The following CSMD1 variants were observed in gnomAD, a reference collection of about 807,000 sequenced individuals.
The protein encoded by CSMD1 is CUB and sushi domain-containing protein 1.
CSMD1 carries 213 observed loss-of-function variants against 417.5 expected under a neutral mutation model. The ratio of observed to expected loss-of-function variants is 0.51; its 90% CI spans 0.46 to 0.57. The LOEUF (loss-of-function observed/expected upper bound fraction) is 0.57, where lower values mean the gene tolerates loss of function less well. Among genes scored for constraint, CSMD1 ranks in the 20% least tolerant of loss-of-function variants. CSMD1 has a pLI of 0.00. For synonymous variants in CSMD1, 2,862 were observed against 1,736.8 expected (o/e 1.65, Z -16.11); for missense variants, 6,923 against 4,529.7 (o/e 1.53, Z -15.17).
chr8:4,683,362 C>T (rs1353608496), intron 1 of CSMD1, among the ~76,000 whole-genome samples: 4 of 152,190 alleles, frequency 2.6e-5, no homozygotes, highest in Middle Eastern at 3.4e-3. Flanking sequence ...AGTGGTTCTC[C>T]AAGCCGAAAC....
intron 49 of CSMD1, among the ~76,000 whole-genome samples, chr8:3,062,909 C>T (rs148066893): frequency 0.011 from 1,748 of 152,190 alleles, 37 homozygotes; most frequent in African/African-American, 0.04. Flanking sequence ...CAGGTACAAA[C>T]ATTTTTAAAC....
chr8:4,126,455 G>C (rs549094127), intron 3 of CSMD1, among the ~76,000 whole-genome samples: 1 of 152,124 alleles, frequency 6.6e-6, no homozygotes, highest in Non-Finnish European at 1.5e-5. Flanking sequence ...TAGTAACATA[G>C]ATTTCACTTG....
chr8:3,690,530 T>C (rs1800182796), intron 7 of CSMD1, among the ~76,000 whole-genome samples: 1 of 152,196 alleles, frequency 6.6e-6, no homozygotes, highest in Non-Finnish European at 1.5e-5. Flanking sequence ...AATAGACTGT[T>C]AGTCATCATC....
At chr8:4,761,228 G>A (rs1013476555) in intron 1 of CSMD1, among the ~76,000 whole-genome samples, 1 of 152,102 alleles carries the variant, frequency 6.6e-6, no homozygotes, top group Non-Finnish European at 1.5e-5. Flanking sequence ...GAGGTCACAG[G>A]AGACTATGGA....
chr8:3,852,415 C>A (rs952204614), intron 5 of CSMD1, among the ~76,000 whole-genome samples: 1 of 152,114 alleles, frequency 6.6e-6, no homozygotes, highest in East Asian at 1.9e-4. Context: ...AACCACACTC[C>A]CCTGTGCTGC....
chr8:3,157,370 A>C (rs1478434677), intron 39 of CSMD1, among the ~76,000 whole-genome samples: 2 of 152,170 alleles, frequency 1.3e-5, no homozygotes, highest in East Asian at 3.9e-4. Context: ...TCAAGCCATT[A>C]AATACAGCTC....
chr8:3,087,924 G>C (rs1204323540), intron 48 of CSMD1, among the ~76,000 whole-genome samples: 1 of 152,180 alleles, frequency 6.6e-6, no homozygotes, highest in Admixed American at 6.5e-5. Flanking sequence ...TTAAAACAGA[G>C]AAAGTAGAAA....
At chr8:4,790,904 T>C (rs1249029532) in intron 1 of CSMD1, among the ~76,000 whole-genome samples, 1 of 152,180 alleles carries the variant, frequency 6.6e-6, no homozygotes. Flanking sequence ...GGAAATACCA[T>C]TTTGGACCTA....
chr8:3,836,696 G>C (rs115739120), intron 5 of CSMD1, among the ~76,000 whole-genome samples: 3 of 152,058 alleles, frequency 2.0e-5, no homozygotes, highest in African/African-American at 7.2e-5. Context: ...AATATGGTTA[G>C]AATTGGGAAA....
intron 1 of CSMD1, among the ~76,000 whole-genome samples, chr8:4,814,407 G>T (rs1799085585): frequency 6.6e-6 from 1 of 152,102 alleles, no homozygotes; most frequent in African/African-American, 2.4e-5. Context: ...CGCCAAGCCT[G>T]GCTAATTTTT....
At chr8:4,300,991 C>T (rs1338322743) in intron 3 of CSMD1, among the ~76,000 whole-genome samples, 2 of 152,038 alleles carry the variant, frequency 1.3e-5, no homozygotes, top group South Asian at 2.1e-4. Flanking sequence ...GCACTATAAA[C>T]ATAAGTGTGC....
chr8:3,188,834 GC>G, intron 35 of CSMD1, 52 bp downstream of exon 35: 1 of 1,391,688 alleles, frequency 7.2e-7, no homozygotes, highest in Non-Finnish European at 9.4e-7. Flanking sequence ...AAAGAAAGAA[GC>G]CCATGGACCC....
chr8:3,179,644 T>C (rs1821188150), intron 37 of CSMD1, among the ~76,000 whole-genome samples: 2 of 152,182 alleles, frequency 1.3e-5, no homozygotes, highest in South Asian at 4.1e-4. Context: ...AAAACCCAGA[T>C]GCTACAGGAT....
chr8:4,374,233 T>A (rs1005024914), intron 3 of CSMD1, among the ~76,000 whole-genome samples: 2 of 152,092 alleles, frequency 1.3e-5, no homozygotes, highest in South Asian at 4.1e-4. Context: ...CCCCACAACA[T>A]CATCACCATC....
chr8:3,477,896 G>T (rs1425563827), intron 11 of CSMD1, among the ~76,000 whole-genome samples: 2 of 152,170 alleles, frequency 1.3e-5, no homozygotes, highest in Non-Finnish European at 2.9e-5. Context: ...GAGGGCCAGG[G>T]CAGGTGGAAA....
At chr8:4,127,057 G>T (rs1176437692) in intron 3 of CSMD1, among the ~76,000 whole-genome samples, 1 of 148,318 alleles carries the variant, frequency 6.7e-6, no homozygotes, top group Non-Finnish European at 1.5e-5. Context: ...TCAAGTTTTA[G>T]CCAAAAATCA....
intron 3 of CSMD1, among the ~76,000 whole-genome samples, chr8:4,364,265 A>T (rs1356249609): frequency 6.6e-6 from 1 of 152,334 alleles, no homozygotes; most frequent in East Asian, 1.9e-4. Context: ...AAGGGGCAGA[A>T]AGGATTACAA....
chr8:3,974,685 T>A (rs535893346), intron 5 of CSMD1, among the ~76,000 whole-genome samples: 3 of 150,522 alleles, frequency 2.0e-5, no homozygotes, highest in African/African-American at 7.3e-5. Flanking sequence ...TTTTTTTTTT[T>A]ACATAACAGA....
At chr8:3,089,692 G>A (rs1000321313) in intron 48 of CSMD1, among the ~76,000 whole-genome samples, 1 of 152,132 alleles carries the variant, frequency 6.6e-6, no homozygotes, top group African/African-American at 2.4e-5. Flanking sequence ...AAAAAGCTGT[G>A]AGATAGATAA....
Sources: gnomAD v4.1 joint callset for allele counts (sites outside exome capture counted in the v4.1 genomes callset) on GRCh38, gnomAD v4.1.1 for gene constraint, MANE v1.5 for transcripts, NCBI Gene and HGNC (gene_info 2026-07-23, HGNC 2026-07-21) for gene names.